The following PRDM6 variants were observed in gnomAD, a reference collection of about 807,000 sequenced individuals.
PRDM6 encodes putative histone-lysine N-methyltransferase PRDM6.
PRDM6 carries 25 observed loss-of-function variants against 60.8 expected under a neutral mutation model. The ratio of observed to expected loss-of-function variants is 0.41; its 90% CI spans 0.30 to 0.57. The LOEUF (loss-of-function observed/expected upper bound fraction) is 0.57. PRDM6 is among the 20% of genes least tolerant of loss of function. The probability of loss-of-function intolerance (pLI) is 0.27; values close to 1 mark genes in which losing one functional copy is unlikely to be tolerated. For missense variants in PRDM6, 839 were observed against 821.3 expected (o/e 1.02, Z -0.26); for synonymous variants, 407 against 357.4 (o/e 1.14, Z -1.57).
At chr5:123,159,057 A>T (rs897957228) in intron 4 of PRDM6, among the ~76,000 whole-genome samples, 1 of 152,130 alleles carries the variant, frequency 6.6e-6, no homozygotes, top group African/African-American at 2.4e-5. Context: ...TTATATCACA[A>T]AGCTGCTTAA....
At chr5:123,168,448 T>G (rs1428812710) in intron 5 of PRDM6, among the ~76,000 whole-genome samples, 2 of 152,180 alleles carry the variant, frequency 1.3e-5, no homozygotes, top group Non-Finnish European at 2.9e-5. Flanking sequence ...CCTAGATATG[T>G]TCTTAAGTGA....
chr5:123,182,320 G>A (rs1259989008), intron 7 of PRDM6, among the ~76,000 whole-genome samples: 1 of 152,218 alleles, frequency 6.6e-6, no homozygotes, highest in Non-Finnish European at 1.5e-5. Context: ...CACGTTGCCT[G>A]TGCCTTTGAG....
rs1407155998 is a variant in PRDM6 at position 123,156,749 on chromosome 5, C to T, written c.1028+738C>T. Among the ~76,000 whole-genome samples the T allele has an allele frequency of 2.0e-5, 3 of 152,256 alleles. No homozygotes were observed. The East Asian group carries it at 5.8e-4, about 29-fold the overall frequency. On this transcript the variant is annotated intron_variant, in intron 4 of 7. Coordinates refer to ENST00000407847, the MANE Select transcript of PRDM6 (RefSeq NM_001136239.4). ...GAGCTGAGAAGCAGGGTGGATTCCCCGGACACTCAGCCAGTTCTTCTCAGT... is the reference window on the plus strand; with the variant it reads ...GAGCTGAGAAGCAGGGTGGATTCCCTGGACACTCAGCCAGTTCTTCTCAGT...
At chr5:123,179,663 T>A (rs1196636383) in intron 6 of PRDM6, among the ~76,000 whole-genome samples, 1 of 151,728 alleles carries the variant, frequency 6.6e-6, no homozygotes, top group Non-Finnish European at 1.5e-5. Context: ...TATCCTCAGT[T>A]TTCTGAACTA....
intron 3 of PRDM6, among the ~76,000 whole-genome samples, chr5:123,138,029 C>CT (rs992368994): frequency 6.7e-6 from 1 of 148,974 alleles, no homozygotes; most frequent in African/African-American, 2.5e-5. Context: ...CTGGGTTCAC[C>CT]CCCGCACCTT....
At chr5:123,132,600 CT>C (rs1433255159) in intron 3 of PRDM6, among the ~76,000 whole-genome samples, 1 of 152,110 alleles carries the variant, frequency 6.6e-6, no homozygotes, top group East Asian at 1.9e-4. Context: ...CTAAATGCAT[CT>C]GTGTTTTCTG....
chr5:123,127,064 G>T (rs1476077598), intron 3 of PRDM6, among the ~76,000 whole-genome samples: 1 of 150,790 alleles, frequency 6.6e-6, no homozygotes, highest in Non-Finnish European at 1.5e-5. Flanking sequence ...TTGAGATGGA[G>T]TCTTTCTCTG....
intron 3 of PRDM6, among the ~76,000 whole-genome samples, chr5:123,147,962 G>A (rs1330327573): frequency 4.6e-5 from 7 of 152,176 alleles, no homozygotes; most frequent in Admixed American, 1.3e-4. Context: ...CAGAGTCACC[G>A]ACTCTCCTCT....
chr5:123,182,381 G>T (rs965083027), intron 7 of PRDM6, among the ~76,000 whole-genome samples: 9 of 152,202 alleles, frequency 5.9e-5, no homozygotes, highest in Non-Finnish European at 1.3e-4. Flanking sequence ...GATCCTTCTG[G>T]CCCCTTATAT....
intron 3 of PRDM6, among the ~76,000 whole-genome samples, chr5:123,134,246 T>G (rs1764901499): frequency 6.6e-6 from 1 of 152,150 alleles, no homozygotes; most frequent in South Asian, 2.1e-4. Context: ...CTTGTTCTCT[T>G]TTTCTTAACA....
At chr5:123,177,484 A>G (rs963925929) in intron 6 of PRDM6, among the ~76,000 whole-genome samples, 2 of 152,202 alleles carry the variant, frequency 1.3e-5, no homozygotes, top group Admixed American at 1.3e-4. Context: ...GAATGAAGGA[A>G]TATTGCTTTG....
intron 3 of PRDM6, among the ~76,000 whole-genome samples, chr5:123,136,791 C>A (rs1490765815): frequency 6.6e-6 from 1 of 152,168 alleles, no homozygotes; most frequent in African/African-American, 2.4e-5. Flanking sequence ...TCTTTACTTT[C>A]CATATTACTT....
In PRDM6 at chr5:123,099,937, G is replaced by A; in HGVS notation, c.876G>A (p.Val292=). The A allele has an allele frequency of 6.5e-7, 1 of 1,532,294 alleles. No individual in the cohort carries two copies. Among genetic ancestry groups the A allele is most frequent in the Non-Finnish European group, 8.8e-7 (1 of 1,134,858 alleles). The allele number at this position is 1,532,294 out of a possible 1,614,324, so 94.9% of individuals were successfully genotyped here. ...CAGAGAAGGTGCAGGCAGGCGCCGTGAGGAACACGCAGCATCTCTGGGAGG... is the reference window on the plus strand; with the variant it reads ...CAGAGAAGGTGCAGGCAGGCGCCGTAAGGAACACGCAGCATCTCTGGGAGG... ...LPPEKVQAGA[V]RNTQHLWEIY... The change falls in exon 3 of 8, where the codon GTG becomes GTA. Residue 292 remains valine (V), a synonymous_variant. Coordinates refer to ENST00000407847, the MANE Select transcript of PRDM6 (RefSeq NM_001136239.4). The surrounding 1 kb of genome is among the most constrained non-coding windows in gnomAD (Gnocchi z 4.0).
intron 2 of PRDM6, among the ~76,000 whole-genome samples, chr5:123,097,339 C>T (rs539627600): frequency 7.2e-5 from 11 of 152,298 alleles, no homozygotes; most frequent in African/African-American, 2.6e-4. Flanking sequence ...TCAATTGAGT[C>T]ATGAGTTTGA....
intron 3 of PRDM6, among the ~76,000 whole-genome samples, chr5:123,131,886 T>C (rs1350361496): frequency 6.6e-6 from 1 of 152,230 alleles, no homozygotes; most frequent in Non-Finnish European, 1.5e-5. Flanking sequence ...GCATATCAGC[T>C]CTGTTCCTTA....
chr5:123,159,773 A>G (rs337103), intron 5 of PRDM6, 135 bp downstream of exon 5: 4 of 881,658 alleles, frequency 4.5e-6, no homozygotes, highest in Non-Finnish European at 5.1e-6. Flanking sequence ...AGTCTATTCC[A>G]TCGTTTTCTT....
chr5:123,131,940 C>T (rs1025567039), intron 3 of PRDM6, among the ~76,000 whole-genome samples: 6 of 152,134 alleles, frequency 3.9e-5, no homozygotes, highest in Non-Finnish European at 8.8e-5. Flanking sequence ...TTTCTGTACC[C>T]TGGGTGCCTC....
In PRDM6 at chr5:123,128,166, C is replaced by T. The variant is rs529042859; in HGVS notation, c.901-27718C>T. ...GCCACATTTTCTTAATCCAGTCTAT[C>T]ATTGTTGGACATTTGGGTTGGTTCC... On this transcript the variant is annotated intron_variant, in intron 3 of 7. Coordinates refer to ENST00000407847, the MANE Select transcript of PRDM6 (RefSeq NM_001136239.4). 8.8e-4 allele frequency among the ~76,000 whole-genome samples: 134 copies of T among 152,306 alleles called. 1 individual carries two copies. Among genetic ancestry groups the T allele is most frequent in the Middle Eastern group, 3.4e-3 (1 of 294 alleles).
Position 123,191,224 on chromosome 5 carries a change from C to G in PRDM6, c.*4023C>G, listed in dbSNP as rs1349421036. 1 of 152,036 alleles carries G rather than the reference C, an allele frequency of 6.6e-6. No individual in the cohort carries two copies. Among genetic ancestry groups the G allele is most frequent in the Non-Finnish European group, 1.5e-5 (1 of 68,022 alleles). The allele number at this position is 152,036 out of a possible 1,614,324, so 9.4% of individuals were successfully genotyped here. On this transcript the variant is annotated 3_prime_UTR_variant, in exon 8 of 8. Coordinates refer to ENST00000407847, the MANE Select transcript of PRDM6 (RefSeq NM_001136239.4). The stretch of plus-strand genomic sequence containing the variant: ...AAGCGTTGGCAGTGTAGTCCCTTTC[C>G]CCGGTGTGCAGAAGTAACATTATTT...
Sources: allele counts gnomAD v4.1 joint callset (sites outside exome capture counted in the v4.1 genomes callset), GRCh38; gene constraint gnomAD v4.1.1; non-coding constraint Gnocchi (gnomAD v3.1); transcripts MANE v1.5; gene names NCBI Gene and HGNC (gene_info 2026-07-23, HGNC 2026-07-21).